The following PCSK5 variants were observed in gnomAD, a reference collection of about 807,000 sequenced individuals.
The protein encoded by PCSK5 is prohormone convertase 5.
In PCSK5, 129 loss-of-function variants were observed where a neutral mutation model predicts 233.2. The observed-to-expected ratio is 0.55, with a 90% CI of 0.48 to 0.64. PCSK5 has a LOEUF of 0.64. Among genes scored for constraint, PCSK5 ranks in the 30% least tolerant of loss-of-function variants. The pLI is 0.00. For synonymous variants in PCSK5, 825 were observed against 879.2 expected, an observed-to-expected ratio of 0.94 and a Z score of 1.09; for missense variants, 2,076 against 2,430.1, an observed-to-expected ratio of 0.85 and a Z score of 3.06.
chr9:75,901,469 TG>T (rs1564069793), intron 1 of PCSK5, among the ~76,000 whole-genome samples: 1 of 151,842 alleles, frequency 6.6e-6, no homozygotes, highest in Non-Finnish European at 1.5e-5. Flanking sequence ...TGGAGCCTGT[TG>T]GGGGTGGCGG....
At chr9:76,081,647 G>A (rs1351956720) in intron 7 of PCSK5, among the ~76,000 whole-genome samples, 1 of 151,670 alleles carries the variant, frequency 6.6e-6, no homozygotes, top group African/African-American at 2.4e-5. Context: ...TTTAAAATTT[G>A]CGGAATTAGT....
At chr9:76,175,291 CGAATAGAATA>C (rs55947300) in intron 14 of PCSK5, 162 bp downstream of exon 14, 144 of 526,766 alleles carry the variant, frequency 2.7e-4, no homozygotes, top group South Asian at 9.0e-4. Flanking sequence ...CGAATCGAAT[CGAATAGAATA>C]GAATAGAATA....
intron 5 of PCSK5, among the ~76,000 whole-genome samples, chr9:76,063,325 T>C (rs1321408068): frequency 6.9e-5 from 9 of 131,332 alleles, no homozygotes; most frequent in African/African-American, 1.8e-4. Flanking sequence ...TTTTCTTTTT[T>C]TTTTTTTTTT....
intron 2 of PCSK5, among the ~76,000 whole-genome samples, chr9:75,977,465 C>T (rs1826075015): frequency 6.8e-6 from 1 of 147,296 alleles, no homozygotes; most frequent in South Asian, 2.2e-4. Flanking sequence ...TAATTGTACC[C>T]ACTGTCTTTT....
chr9:75,917,604 G>A (rs1349788402), intron 1 of PCSK5, among the ~76,000 whole-genome samples: 1 of 152,182 alleles, frequency 6.6e-6, no homozygotes, highest in East Asian at 1.9e-4. Flanking sequence ...TGAGCAGATA[G>A]TATCAGTAAA....
intron 2 of PCSK5, among the ~76,000 whole-genome samples, chr9:75,968,324 A>G (rs1355517126): frequency 6.6e-6 from 1 of 152,256 alleles, no homozygotes; most frequent in Non-Finnish European, 1.5e-5. Context: ...GTCTAAGTAT[A>G]TCACAGGGTC....
chr9:76,103,819 A>AAATTTCTT (rs1337258937), intron 8 of PCSK5, among the ~76,000 whole-genome samples: 1 of 152,182 alleles, frequency 6.6e-6, no homozygotes, highest in African/African-American at 2.4e-5. Flanking sequence ...CAATCTGAGA[A>AAATTTCTT]GTTCTTTGGA....
intron 2 of PCSK5, among the ~76,000 whole-genome samples, chr9:75,933,976 T>A (rs1165306905): frequency 1.3e-5 from 2 of 152,244 alleles, no homozygotes; most frequent in Non-Finnish European, 2.9e-5. Flanking sequence ...CAGAATGTTA[T>A]GAGGCATTAT....
intron 34 of PCSK5, 24 bp from the exon 35 acceptor site, chr9:76,338,206 T>C: frequency 6.4e-7 from 1 of 1,558,334 alleles, no homozygotes; most frequent in Non-Finnish European, 8.8e-7. Flanking sequence ...TACTATTCCA[T>C]CTTTTCTTCT....
intron 28 of PCSK5, among the ~76,000 whole-genome samples, chr9:76,302,471 T>C (rs1201293311): frequency 6.6e-6 from 1 of 152,178 alleles, no homozygotes; most frequent in Non-Finnish European, 1.5e-5. Context: ...ACGAGCTAAA[T>C]GGTCATGGCT....
chr9:76,192,711 G>A (rs1185261063), intron 20 of PCSK5, among the ~76,000 whole-genome samples: 2 of 49,992 alleles, frequency 4.0e-5, no homozygotes, highest in Non-Finnish European at 9.3e-5. Context: ...GCATAAGCAT[G>A]GAAACAAAAC....
intron 2 of PCSK5, among the ~76,000 whole-genome samples, chr9:75,973,774 G>T (rs1467512313): frequency 6.6e-6 from 1 of 152,214 alleles, no homozygotes; most frequent in Non-Finnish European, 1.5e-5. Flanking sequence ...GCTCAGTAGG[G>T]TTGTTGGGAA....
At chr9:76,029,109 G>C (rs1463561214) in intron 5 of PCSK5, among the ~76,000 whole-genome samples, 1 of 152,134 alleles carries the variant, frequency 6.6e-6, no homozygotes, top group African/African-American at 2.4e-5. Flanking sequence ...AAGGTGAGAG[G>C]AGCTGAACCG....
intron 5 of PCSK5, among the ~76,000 whole-genome samples, chr9:76,034,815 TATAAA>T (rs1828791133): frequency 6.6e-6 from 1 of 152,228 alleles, no homozygotes; most frequent in African/African-American, 2.4e-5. Flanking sequence ...TAGTTCGGGA[TATAAA>T]ATATCCATTT....
At chr9:76,049,461 A>G (rs893788244) in intron 5 of PCSK5, among the ~76,000 whole-genome samples, 8 of 152,256 alleles carry the variant, frequency 5.3e-5, no homozygotes, top group African/African-American at 1.9e-4. Context: ...GTCAGTAAAC[A>G]GAAGGGCCCG....
intron 8 of PCSK5, among the ~76,000 whole-genome samples, chr9:76,106,662 T>C (rs1831990916): frequency 6.6e-6 from 1 of 152,238 alleles, no homozygotes; most frequent in East Asian, 1.9e-4. Flanking sequence ...CCATGTTATA[T>C]CTTTGAGGAA....
At chr9:75,931,487 T>A (rs1171649003) in intron 1 of PCSK5, among the ~76,000 whole-genome samples, 2 of 152,116 alleles carry the variant, frequency 1.3e-5, no homozygotes, top group Non-Finnish European at 2.9e-5. Flanking sequence ...AGAGACTTAG[T>A]GTATGTTATT....
intron 29 of PCSK5, 129 bp from the exon 30 acceptor site, chr9:76,310,527 C>G (rs1391571463): frequency 4.6e-5 from 24 of 516,976 alleles, no homozygotes. Context: ...GCATCACTAG[C>G]AAATATTTTG....
intron 24 of PCSK5, among the ~76,000 whole-genome samples, chr9:76,271,559 C>T (rs567585904): frequency 1.1e-4 from 16 of 152,140 alleles, no homozygotes; most frequent in African/African-American, 1.7e-4. Context: ...TGGCTTAGGC[C>T]GGCAGGGGGC....
Sources: allele counts gnomAD v4.1 joint callset (sites outside exome capture counted in the v4.1 genomes callset), GRCh38; gene constraint gnomAD v4.1.1; transcripts MANE v1.5; gene names NCBI Gene and HGNC (gene_info 2026-07-23, HGNC 2026-07-21).